The following NALF1 variants were observed in gnomAD, a reference collection of about 807,000 sequenced individuals.
NALF1 encodes family with sequence similarity 155 member A.
In NALF1, 3 loss-of-function variants were observed where a neutral mutation model predicts 48.4. That is an observed-to-expected ratio of 0.06 (90% CI 0.03 to 0.16). The LOEUF (loss-of-function observed/expected upper bound fraction) is 0.16. NALF1 is among the 10% of genes least tolerant of loss of function. NALF1 has a pLI of 1.00. For missense variants in NALF1, 526 were observed against 571.5 expected (o/e 0.92, Z 0.81); for synonymous variants, 262 against 245.7 (o/e 1.07, Z -0.62).
chr13:107,536,662 T>A (rs1205277768), intron 1 of NALF1, among the ~76,000 whole-genome samples: 1 of 152,150 alleles, frequency 6.6e-6, no homozygotes, highest in Non-Finnish European at 1.5e-5. Context: ...ATTGTGGAAG[T>A]CAGTGTGGTG....
In NALF1 at chr13:107,214,380, A is replaced by G. The variant is rs116119952; in HGVS notation, c.916-3625T>C. On this transcript the variant is annotated intron_variant, in intron 1 of 2. Transcript: ENST00000375915. ...AAAGAAGTCTAGAAATCTTTTTTAT[A>G]ATGGCTTGGCCTTCTCCTATAGAGA... 6.6e-3 allele frequency among the ~76,000 whole-genome samples: 1,000 copies of G among 152,362 alleles called. 10 individuals are homozygous for G. The highest frequency in any genetic ancestry group is 0.023 in the African/African-American group (942 of 41,592).
chr13:107,650,083 G>C (rs570433007), intron 1 of NALF1, among the ~76,000 whole-genome samples: 2 of 152,284 alleles, frequency 1.3e-5, no homozygotes, highest in South Asian at 4.1e-4. Context: ...TTCAAAATGA[G>C]TATTTTAAAA....
intron 1 of NALF1, among the ~76,000 whole-genome samples, chr13:107,768,646 C>T (rs1594254027): frequency 6.6e-6 from 1 of 151,978 alleles, no homozygotes; most frequent in South Asian, 2.1e-4. Context: ...AAACCTTTTT[C>T]GCAAGTAAGG....
At chr13:107,277,982 A>G (rs1437253357) in intron 1 of NALF1, among the ~76,000 whole-genome samples, 1 of 152,166 alleles carries the variant, frequency 6.6e-6, no homozygotes, top group Non-Finnish European at 1.5e-5. Flanking sequence ...TGCTTTAATA[A>G]TTAAGAGAAA....
intron 1 of NALF1, among the ~76,000 whole-genome samples, chr13:107,511,296 A>G (rs968146759): frequency 6.6e-6 from 1 of 152,160 alleles, no homozygotes; most frequent in African/African-American, 2.4e-5. Flanking sequence ...CTTATTCTAC[A>G]TGGCTTTAAA....
At chr13:107,217,318 T>C (rs9634562) in intron 1 of NALF1, among the ~76,000 whole-genome samples, 74,943 of 151,528 alleles carry the variant, frequency 0.49, 19,589 homozygotes, top group South Asian at 0.76. Flanking sequence ...TTTATCCTGG[T>C]GTCCCTCTTA....
chr13:107,205,533 C>T (rs1346197339), intron 2 of NALF1, among the ~76,000 whole-genome samples: 2 of 152,080 alleles, frequency 1.3e-5, no homozygotes, highest in African/African-American at 4.8e-5. Flanking sequence ...CCTCAACCGC[C>T]TGTCAAGTAA....
Position 107,616,016 on chromosome 13 carries a change from G to A in NALF1, c.915+249666C>T, listed in dbSNP as rs146847246. On this transcript the variant is annotated intron_variant, in intron 1 of 2. Transcript: ENST00000375915. ...CAGGACTGGTTTGAGAATTAAATGA[G>A]CAAGTGTATCTGAAGGTCCTGTCGC... Among the ~76,000 whole-genome samples, 8 of 152,224 alleles carry A rather than the reference G, an allele frequency of 5.3e-5. No individual in the cohort carries two copies. In the East Asian group the frequency reaches 1.5e-3, roughly 29 times the overall value.
At chr13:107,205,324 GT>G (rs1347364766) in intron 2 of NALF1, among the ~76,000 whole-genome samples, 1 of 152,078 alleles carries the variant, frequency 6.6e-6, no homozygotes, top group Non-Finnish European at 1.5e-5. Context: ...TTCTTTTGCA[GT>G]TGTGAAGTCA....
chr13:107,742,820 G>A (rs942978435), intron 1 of NALF1, among the ~76,000 whole-genome samples: 1 of 152,156 alleles, frequency 6.6e-6, no homozygotes, highest in African/African-American at 2.4e-5. Context: ...CCAGCAGAGG[G>A]TCTGGCACCC....
At chr13:107,325,883 TATATACAC>T (rs1481608496) in intron 1 of NALF1, among the ~76,000 whole-genome samples, 7 of 94,908 alleles carry the variant, frequency 7.4e-5, no homozygotes, top group Admixed American at 2.2e-4. Context: ...TATATATATA[TATATACAC>T]ACACACACAC....
intron 1 of NALF1, among the ~76,000 whole-genome samples, chr13:107,619,551 C>T (rs192549002): frequency 7.2e-5 from 11 of 152,256 alleles, no homozygotes; most frequent in African/African-American, 2.2e-4. Flanking sequence ...AATTTTAACA[C>T]GTTGCATTTT....
intron 1 of NALF1, among the ~76,000 whole-genome samples, chr13:107,565,911 T>C (rs1235553674): frequency 6.6e-6 from 1 of 152,184 alleles, no homozygotes; most frequent in Admixed American, 6.5e-5. Context: ...ATCTCCATCA[T>C]TGAAATTTCT....
intron 1 of NALF1, among the ~76,000 whole-genome samples, chr13:107,386,309 T>C (rs1182724788): frequency 1.3e-5 from 2 of 152,202 alleles, no homozygotes; most frequent in Non-Finnish European, 2.9e-5. Context: ...CTTGGTTGAC[T>C]GTAAGTCAAA....
At chr13:107,372,217 A>T (rs1883260278) in intron 1 of NALF1, among the ~76,000 whole-genome samples, 1 of 152,236 alleles carries the variant, frequency 6.6e-6, no homozygotes, top group Non-Finnish European at 1.5e-5. Context: ...TTCATGTTTA[A>T]ACAATGTACA....
chr13:107,347,949 G>T (rs535549901), intron 1 of NALF1, among the ~76,000 whole-genome samples: 1 of 152,274 alleles, frequency 6.6e-6, no homozygotes, highest in East Asian at 1.9e-4. Context: ...GCCTGGACTT[G>T]GGTCTCGCTT....
intron 1 of NALF1, among the ~76,000 whole-genome samples, chr13:107,319,227 GA>G (rs1339025400): frequency 1.3e-5 from 2 of 152,214 alleles, no homozygotes; most frequent in Non-Finnish European, 2.9e-5. Context: ...GGGCGTTAGT[GA>G]TAAAATGATG....
chr13:107,276,763 C>T (rs1392911211), intron 1 of NALF1, among the ~76,000 whole-genome samples: 1 of 151,944 alleles, frequency 6.6e-6, no homozygotes, highest in Non-Finnish European at 1.5e-5. Flanking sequence ...AAGAGATAAA[C>T]ACATCATTTA....
chr13:107,703,988 G>T (rs374794455), intron 1 of NALF1, among the ~76,000 whole-genome samples: 1 of 149,592 alleles, frequency 6.7e-6, no homozygotes. Flanking sequence ...TAATAGTTTG[G>T]CTGTCTATAG....
Sources: gnomAD v4.1 joint callset for allele counts (sites outside exome capture counted in the v4.1 genomes callset) on GRCh38, gnomAD v4.1.1 for gene constraint, MANE v1.5 for transcripts, NCBI Gene and HGNC (gene_info 2026-07-23, HGNC 2026-07-21) for gene names.